FBXO11: variants seen among roughly 807,000 people sequenced by gnomAD.
FBXO11 encodes F-box protein 11, also known as F-box only protein 11.
In FBXO11, 13 loss-of-function variants were observed where a neutral mutation model predicts 117.0. The observed-to-expected ratio is 0.11, with a 90% CI of 0.07 to 0.18. FBXO11 has a LOEUF of 0.18. Among genes scored for constraint, FBXO11 ranks in the 10% least tolerant of loss-of-function variants. The probability of loss-of-function intolerance (pLI) is 1.00; values close to 1 mark genes in which losing one functional copy is unlikely to be tolerated. For synonymous variants in FBXO11, 490 were observed against 380.5 expected, an observed-to-expected ratio of 1.29 and a Z score of -3.35; for missense variants, 767 against 1,164.4, an observed-to-expected ratio of 0.66 and a Z score of 4.97.
chr2:47,811,359 G>GGATTACAAGCACCTGC (rs1359179537), intron 18 of FBXO11: 8 of 152,166 alleles, frequency 5.3e-5, no homozygotes, highest in African/African-American at 1.9e-4. Context: ...CAAGCAGCTG[G>GGATTACAAGCACCTGC]GATTACAAGC....
At position 47,816,589 on chromosome 2, in the gene FBXO11, G is replaced by A. The variant is rs114544784; in HGVS notation, c.2006+2190C>T. Among the ~76,000 whole-genome samples the A allele has an allele frequency of 6.9e-3, 1,044 of 152,214 alleles. 6 individuals are homozygous for A. Among genetic ancestry groups the A allele is most frequent in the Admixed American group, 0.012 (189 of 15,282 alleles). Reference sequence around the variant, plus strand: ...GGAATCACTATCTATGGCAACTACTGCTTTCTAAAAAGTATTTCTTACATA... The same window carrying A: ...GGAATCACTATCTATGGCAACTACTACTTTCTAAAAAGTATTTCTTACATA... On this transcript the variant is annotated intron_variant, in intron 16 of 22. Transcript: ENST00000403359.
chr2:47,837,311 G>T (rs1321715758), intron 4 of FBXO11, among the ~76,000 whole-genome samples: 5 of 152,214 alleles, frequency 3.3e-5, no homozygotes, highest in South Asian at 2.1e-4. Context: ...AGGATCACCT[G>T]AGGTCAGGAG....
intron 11 of FBXO11, among the ~76,000 whole-genome samples, chr2:47,826,905 A>ATACATT (rs1281677507): frequency 6.6e-6 from 1 of 152,200 alleles, no homozygotes; most frequent in East Asian, 1.9e-4. Context: ...TCACCTCTTA[A>ATACATT]TACATTTACA....
intron 1 of FBXO11, among the ~76,000 whole-genome samples, chr2:47,842,065 G>T (rs541828023): frequency 6.6e-6 from 1 of 151,700 alleles, no homozygotes; most frequent in Non-Finnish European, 1.5e-5. Flanking sequence ...GCCCAGGCTG[G>T]AGTGCAGTTG....
intron 1 of FBXO11, among the ~76,000 whole-genome samples, chr2:47,898,351 G>C (rs1356698845): frequency 1.3e-5 from 2 of 152,112 alleles, no homozygotes; most frequent in East Asian, 3.8e-4. Context: ...AAAACTCCAA[G>C]CTACACATAT....
intron 16 of FBXO11, chr2:47,818,565 G>C (rs989635227): frequency 4.3e-6 from 2 of 467,096 alleles, no homozygotes; most frequent in Non-Finnish European, 3.8e-6. Flanking sequence ...CGGTGGAAGT[G>C]AGCTCTTATG....
intron 1 of FBXO11, among the ~76,000 whole-genome samples, chr2:47,867,989 A>C (rs1392327330): frequency 2.0e-5 from 3 of 152,192 alleles, no homozygotes; most frequent in Non-Finnish European, 4.4e-5. Flanking sequence ...AAATGCCTGA[A>C]GATCACAGGT....
intron 16 of FBXO11, 40 bp from the exon 17 acceptor site, chr2:47,813,907 C>G (rs761178746): frequency 7.1e-7 from 1 of 1,417,004 alleles, no homozygotes; most frequent in Non-Finnish European, 1.0e-6. Flanking sequence ...TCAATAGCTT[C>G]TACTCCCATA....
intron 1 of FBXO11, among the ~76,000 whole-genome samples, chr2:47,865,279 C>T (rs1312591185): frequency 6.6e-6 from 1 of 152,214 alleles, no homozygotes; most frequent in Non-Finnish European, 1.5e-5. Context: ...TCACATTTCT[C>T]AGCTGCTCTT....
intron 11 of FBXO11, among the ~76,000 whole-genome samples, chr2:47,827,967 G>C (rs563054748): frequency 6.6e-6 from 1 of 152,148 alleles, no homozygotes; most frequent in African/African-American, 2.4e-5. Flanking sequence ...AAAGTGCTGC[G>C]ATTACAGAGC....
At chr2:47,811,945 C>T (rs111273894) in intron 18 of FBXO11, among the ~76,000 whole-genome samples, 2,008 of 152,092 alleles carry the variant, frequency 0.013, 32 homozygotes, top group African/African-American at 0.043. Flanking sequence ...TGTCCCACCC[C>T]CTGCCCCCCC....
chr2:47,898,354 A>G (rs1417285139), intron 1 of FBXO11, among the ~76,000 whole-genome samples: 1 of 152,248 alleles, frequency 6.6e-6, no homozygotes, highest in African/African-American at 2.4e-5. Context: ...ACTCCAAGCT[A>G]CACATATAAG....
At chr2:47,885,366 A>C (rs1039338161) in intron 1 of FBXO11, among the ~76,000 whole-genome samples, 2 of 152,050 alleles carry the variant, frequency 1.3e-5, no homozygotes, top group African/African-American at 4.8e-5. Flanking sequence ...GGCCGAGGTG[A>C]GTAAATCATT....
intron 1 of FBXO11, among the ~76,000 whole-genome samples, chr2:47,885,104 A>C (rs1352122333): frequency 6.6e-6 from 1 of 152,232 alleles, no homozygotes; most frequent in Admixed American, 6.5e-5. Flanking sequence ...ATTCTTCATT[A>C]AGCATAAATG....
intron 1 of FBXO11, among the ~76,000 whole-genome samples, chr2:47,858,172 C>G (rs1352747273): frequency 1.3e-5 from 2 of 151,812 alleles, no homozygotes; most frequent in African/African-American, 2.4e-5. Context: ...GTGGCGTGAT[C>G]TCAGTTCACT....
chr2:47,829,057 G>A (rs1652420464), intron 11 of FBXO11, among the ~76,000 whole-genome samples: 2 of 151,744 alleles, frequency 1.3e-5, no homozygotes, highest in South Asian at 2.1e-4. Context: ...GAGAGGCTGG[G>A]ATTACAGGCA....
At chr2:47,882,820 T>C (rs1334971808) in intron 1 of FBXO11, among the ~76,000 whole-genome samples, 6 of 152,116 alleles carry the variant, frequency 3.9e-5, no homozygotes, top group Non-Finnish European at 8.8e-5. Flanking sequence ...CCCGGCTAAT[T>C]TTGTACTTTT....
chr2:47,849,398 T>C (rs1332559646), intron 1 of FBXO11, among the ~76,000 whole-genome samples: 1 of 152,218 alleles, frequency 6.6e-6, no homozygotes, highest in African/African-American at 2.4e-5. Context: ...TTAACACACA[T>C]ACGTTCTTAC....
chr2:47,900,652 GTATA>G (rs1183289233), intron 1 of FBXO11, among the ~76,000 whole-genome samples: 10 of 102,286 alleles, frequency 9.8e-5, no homozygotes, highest in African/African-American at 3.8e-4. Context: ...ATATACACAC[GTATA>G]CACACACGTA....
Sources: allele counts gnomAD v4.1 joint callset (sites outside exome capture counted in the v4.1 genomes callset), GRCh38; gene constraint gnomAD v4.1.1; transcripts MANE v1.5; gene names NCBI Gene and HGNC (gene_info 2026-07-23, HGNC 2026-07-21).